The following BSN variants were observed in gnomAD, a reference collection of about 807,000 sequenced individuals.
BSN encodes protein bassoon.
BSN carries 57 observed loss-of-function variants against 264.8 expected under a neutral mutation model. The ratio of observed to expected loss-of-function variants is 0.22; its 90% CI spans 0.17 to 0.27. The LOEUF (loss-of-function observed/expected upper bound fraction) is 0.27. BSN is among the 10% of genes least tolerant of loss of function. BSN has a pLI of 1.00. For missense variants in BSN, 4,615 were observed against 5,232.5 expected (o/e 0.88, Z 3.64); for synonymous variants, 2,059 against 2,137.3 (o/e 0.96, Z 1.01).
chr3:49,611,467 C>T (rs773286494), intron 1 of BSN, among the ~76,000 whole-genome samples: 4 of 152,060 alleles, frequency 2.6e-5, no homozygotes, highest in African/African-American at 7.2e-5. Flanking sequence ...CAGGAGCCTC[C>T]GTGACTTGGG....
At chr3:49,586,501 A>T (rs769945174) in intron 1 of BSN, among the ~76,000 whole-genome samples, 3 of 152,088 alleles carry the variant, frequency 2.0e-5, no homozygotes, top group Non-Finnish European at 2.9e-5. Context: ...GGCACACACC[A>T]GCCAATTTTG....
chr3:49,590,545 G>A (rs2051970452), intron 1 of BSN, among the ~76,000 whole-genome samples: 1 of 151,940 alleles, frequency 6.6e-6, no homozygotes, highest in African/African-American at 2.4e-5. Flanking sequence ...TATGTGCCTA[G>A]TGGTTGCTTT....
chr3:49,571,346 T>C (rs2051793581), intron 1 of BSN, among the ~76,000 whole-genome samples: 1 of 152,046 alleles, frequency 6.6e-6, no homozygotes, highest in Admixed American at 6.6e-5. Context: ...CCCTGGCTAC[T>C]TTGGAATAAG....
At chr3:49,604,822 C>T (rs1229643219) in intron 1 of BSN, among the ~76,000 whole-genome samples, 1 of 151,474 alleles carries the variant, frequency 6.6e-6, no homozygotes, top group African/African-American at 2.4e-5. Flanking sequence ...CCCCATATTT[C>T]CCCTGACTAC....
At position 49,660,366 on chromosome 3, in the gene BSN, G is replaced by A; in HGVS notation, c.8641-120G>A. 6 of 1,491,770 alleles carry A rather than the reference G, an allele frequency of 4.0e-6. No individual in the cohort carries two copies. The Admixed American group carries it at 7.2e-5, about 18-fold the overall frequency. 92.4% of individuals were successfully genotyped at this position (1,491,770 alleles called of 1,614,324 possible). A position where few individuals can be genotyped will look rare whatever the true frequency, so the allele number is the denominator to read the frequency against. ...GCCTCCAGGCTGCCTGGTAAATCAG[G>A]GCACCAGCAAGATGGAACCCAGCTC... On this transcript the variant is annotated intron_variant, in intron 5 of 11. Transcript: ENST00000296452. This position sits in a 1 kb window ranked among gnomAD's most constrained non-coding sequence, Gnocchi z 7.1.
chr3:49,661,158 G>C lies in BSN; in HGVS notation c.9313G>C (p.Gly3105Arg), dbSNP rs1381831992. 3 of 1,613,306 alleles carry C rather than the reference G, an allele frequency of 1.9e-6. No homozygotes were observed. ...TGGTGCCAGTTACCCAGCTGAGCCTGGCCTGCCAAACCAGCAGGCTTTCCG... is the reference window on the plus strand; with the variant it reads ...TGGTGCCAGTTACCCAGCTGAGCCTCGCCTGCCAAACCAGCAGGCTTTCCG... Reference protein sequence around the residue: ...PPGASYPAEPGLPNQQAFRPT... With the variant: ...PPGASYPAEPRLPNQQAFRPT... The change falls in exon 6 of 12, where the codon GGC becomes CGC. Residue 3105 changes from glycine (G) to arginine (R), a missense_variant. Gly to Arg is a moderately radical substitution (Grantham distance 125). Transcript: ENST00000296452.
At position 49,656,348 on chromosome 3, in the gene BSN, A is replaced by G. The variant is rs746232820; in HGVS notation, c.6792A>G (p.Pro2264=). ...GPTGLYRYPA[P]SRFPIASSVP... ...CAGGGCTGTACCGCTATCCTGCACC[A>G]AGTAGATTTCCCATTGCTTCCAGTG... The change falls in exon 5 of 12, where the codon CCA becomes CCG. Residue 2264 remains proline (P), a synonymous_variant. Coordinates refer to ENST00000296452, the MANE Select transcript of BSN (RefSeq NM_003458.4). 1.3e-5 allele frequency: 21 copies of G among 1,607,424 alleles called. No homozygotes were observed. Among genetic ancestry groups the G allele is most frequent in the Admixed American group, 5.1e-5 (3 of 59,316 alleles).
Position 49,655,667 on chromosome 3 carries a change from G to A in BSN, c.6111G>A (p.Leu2037=). 1 of 1,613,650 alleles carries A rather than the reference G, an allele frequency of 6.2e-7. No homozygotes were observed. The highest frequency in any genetic ancestry group is 8.5e-7 in the Non-Finnish European group (1 of 1,180,020). Reference sequence around the variant, plus strand: ...ATGGACGCTACCTAGGGCAGGGCTTGCAGTATGGCTCAGTCACGGACCTGC... The same window carrying A: ...ATGGACGCTACCTAGGGCAGGGCTTACAGTATGGCTCAGTCACGGACCTGC... The part of the protein sequence containing the change: ...FADGRYLGQG[L]QYGSVTDLRH... The change falls in exon 5 of 12, where the codon TTG becomes TTA. Residue 2037 remains leucine (L), a synonymous_variant. Coordinates refer to ENST00000296452, the MANE Select transcript of BSN (RefSeq NM_003458.4).
chr3:49,661,006 C>T lies in BSN; in HGVS notation c.9161C>T (p.Pro3054Leu), dbSNP rs1223112439. 7 of 1,611,210 alleles carry T rather than the reference C, an allele frequency of 4.3e-6. No individual in the cohort carries two copies. The highest frequency in any genetic ancestry group is 3.3e-5 in the South Asian group (3 of 91,080). The change falls in exon 6 of 12, where the codon CCC (proline) becomes CTC (leucine). Residue 3054 changes from proline to leucine, a missense_variant. Around this residue, in one of 3 missense-constraint regions of BSN, gnomAD observed 3,415 missense variants for 3,866.4 expected, o/e 0.88. Transcript: ENST00000296452. ...TCTGGTCCCACTGCCTTCCAGCAGC[C>T]CCGCTTCCAGCCTCCAGCCCCACAG... ...TPSGPTAFQQ[P>L]RFQPPAPQYS...
intron 1 of BSN, among the ~76,000 whole-genome samples, chr3:49,622,127 C>T (rs1189792558): frequency 6.6e-6 from 1 of 152,080 alleles, no homozygotes; most frequent in Non-Finnish European, 1.5e-5. Context: ...GGCAGGTGAA[C>T]ACTGGGGGAC....
intron 2 of BSN, among the ~76,000 whole-genome samples, chr3:49,632,354 T>C (rs971789301): frequency 6.6e-6 from 1 of 152,136 alleles, no homozygotes; most frequent in Non-Finnish European, 1.5e-5. Context: ...AAAAATTTTT[T>C]ACATCTAAAG....
chr3:49,554,553 G>A lies in BSN; in HGVS notation c.-50G>A. 1.3e-6 allele frequency: 1 copy of A among 746,562 alleles called. No homozygotes were observed. Among genetic ancestry groups the A allele is most frequent in the Non-Finnish European group, 1.6e-6 (1 of 612,278 alleles). The allele number at this position is 746,562 out of a possible 1,614,324, so 46.2% of individuals were successfully genotyped here. ...AGAGTGTGAGCACCGCCCGGGAGCC[G>A]CCGGCCCGGGCGCAGCGCGACCCCG... On this transcript the variant is annotated 5_prime_UTR_variant, in exon 1 of 12. Transcript: ENST00000296452.
chr3:49,663,523 C>T lies in BSN; in HGVS notation c.11365C>T (p.Pro3789Ser), dbSNP rs1309943705. ...GCAGCAGCAAGGTCTTGGGCTGCAG[C>T]CCCCACAGCAGGCTCTGACACAGGC... is the stretch of plus-strand genomic sequence containing the variant. ...QQQQQGLGLQ[P>S]PQQALTQARL... Residue 3789 changes from proline (P) to serine (S), a missense_variant, in exon 7 of 12, where the codon CCC becomes TCC. This residue lies in a region of BSN where 3,415 missense variants were observed against 3,866.4 expected (regional missense o/e 0.88). Coordinates refer to ENST00000296452, the MANE Select transcript of BSN (RefSeq NM_003458.4). The T allele has an allele frequency of 6.2e-7, 1 of 1,612,604 alleles. No individual in the cohort carries two copies. The highest frequency in any genetic ancestry group is 8.5e-7 in the Non-Finnish European group (1 of 1,179,894).
rs187902453 is a variant in BSN at position 49,657,181 on chromosome 3, C to T, written c.7625C>T (p.Thr2542Met). 1.1e-4 allele frequency: 171 copies of T among 1,613,342 alleles called. 1 individual carries two copies. The highest frequency in any genetic ancestry group is 1.2e-4 in the Non-Finnish European group (137 of 1,180,034). ...TCTGCCTCAGACATGTCACTGCAAA[C>T]GGAGGAGCAGTGGGAGGCCAGCCGT... is the stretch of plus-strand genomic sequence containing the variant. ...PSSASDMSLQ[T>M]EEQWEASRSG... is the part of the protein sequence containing the mutation. The change falls in exon 5 of 12, where the codon ACG (threonine) becomes ATG (methionine). Residue 2542 changes from threonine (T) to methionine (M), a missense_variant. This residue lies in a region of BSN where 3,415 missense variants were observed against 3,866.4 expected (regional missense o/e 0.88). Transcript: ENST00000296452.
chr3:49,671,632 G>A (rs920659427), downstream of BSN: 2 of 152,446 alleles, frequency 1.3e-5, no homozygotes, highest in Non-Finnish European at 2.9e-5. This position sits in a 1 kb window ranked among gnomAD's most constrained non-coding sequence, Gnocchi z 4.1. Context: ...TCCTGTCCAT[G>A]GTTAAAGGGA....
chr3:49,654,000 C>T lies in BSN; in HGVS notation c.4444C>T (p.Pro1482Ser). 2 of 1,613,946 alleles carry T rather than the reference C, an allele frequency of 1.2e-6. No individual in the cohort carries two copies. The highest frequency in any genetic ancestry group is 1.7e-6 in the Non-Finnish European group (2 of 1,180,010). The change falls in exon 5 of 12, where the codon CCG becomes TCG. Residue 1482 changes from proline (P) to serine (S), a missense_variant. This residue lies in a region of BSN where 3,415 missense variants were observed against 3,866.4 expected (regional missense o/e 0.88). Transcript: ENST00000296452. The surrounding 1 kb of genome is among the most constrained non-coding windows in gnomAD (Gnocchi z 6.3). ...TGCAAGCTCCAGCCCACCTCTCTCC[C>T]CGTCTTCCCCCTCAGAGAGTCCCAC... is the stretch of plus-strand genomic sequence containing the variant. ...YFASSSPPLS[P>S]SSPSESPTFS...
At chr3:49,635,549 A>G (rs1401067005) in intron 2 of BSN, among the ~76,000 whole-genome samples, 10 of 152,214 alleles carry the variant, frequency 6.6e-5, no homozygotes, top group Non-Finnish European at 1.3e-4. Context: ...TTGTACAAGG[A>G]ACACCCACAA....
rs1410282402 is a variant in BSN, at chr3:49,650,833, C to T, written c.1740C>T (p.Ser580=). The part of the protein sequence containing the change: ...AKASPLSTKA[S]PLPSKASPQA... Reference sequence around the variant, plus strand: ...CCAGCCCTCTATCCACCAAGGCCAGCCCTCTGCCCAGCAAGGCCAGCCCCC... The same window carrying T: ...CCAGCCCTCTATCCACCAAGGCCAGTCCTCTGCCCAGCAAGGCCAGCCCCC... Residue 580 remains serine (S), a synonymous_variant, in exon 4 of 12, where the codon AGC becomes AGT. Coordinates refer to ENST00000296452, the MANE Select transcript of BSN (RefSeq NM_003458.4). 1.9e-6 allele frequency: 3 copies of T among 1,614,028 alleles called. No homozygotes were observed. The African/African-American group carries it at 4.0e-5, about 22-fold the overall frequency.
Position 49,662,204 on chromosome 3 carries a change from G to C in BSN, c.10359G>C (p.Lys3453Asn). 1 of 1,613,186 alleles carries C rather than the reference G, an allele frequency of 6.2e-7. No individual in the cohort carries two copies. The highest frequency in any genetic ancestry group is 8.5e-7 in the Non-Finnish European group (1 of 1,179,912). ...SRAPSAYSGE[K>N]LSSHDFSGWG... ...CACCTTCTGCATACAGTGGGGAGAAGCTGTCCAGCCACGACTTCAGTGGCT... is the reference window on the plus strand; with the variant it reads ...CACCTTCTGCATACAGTGGGGAGAACCTGTCCAGCCACGACTTCAGTGGCT... The change falls in exon 6 of 12, where the codon AAG (lysine) becomes AAC (asparagine). Residue 3453 changes from lysine (K) to asparagine (N), a missense_variant. This residue lies in a region of BSN where 3,415 missense variants were observed against 3,866.4 expected (regional missense o/e 0.88). Transcript: ENST00000296452.
Sources: allele counts gnomAD v4.1 joint callset (sites outside exome capture counted in the v4.1 genomes callset), GRCh38; gene constraint gnomAD v4.1.1; regional missense constraint gnomAD v4.1.1; non-coding constraint Gnocchi (gnomAD v3.1); transcripts MANE v1.5; gene names NCBI Gene and HGNC (gene_info 2026-07-23, HGNC 2026-07-21).